Variants in RAI1 observed in about 807,000 individuals in gnomAD.
RAI1 encodes the protein retinoic acid-induced protein 1.
Under a neutral mutation model 123.8 loss-of-function variants are expected in RAI1, and 9 were observed. The observed-to-expected ratio is 0.07, with a 90% CI of 0.04 to 0.13. The LOEUF (loss-of-function observed/expected upper bound fraction) is 0.13. RAI1 is among the 10% of genes least tolerant of loss of function. RAI1 has a pLI of 1.00. For missense variants in RAI1, 2,256 were observed against 2,545.8 expected, an observed-to-expected ratio of 0.89 and a Z score of 2.45; for synonymous variants, 1,231 against 1,127.3, an observed-to-expected ratio of 1.09 and a Z score of -1.84.
intron 2 of RAI1, among the ~76,000 whole-genome samples, chr17:17,737,354 A>T (rs369914437): frequency 6.6e-6 from 1 of 152,046 alleles, no homozygotes; most frequent in African/African-American, 2.4e-5. Flanking sequence ...TCTTGCCCAG[A>T]CTCACTCCTG....
intron 2 of RAI1, among the ~76,000 whole-genome samples, chr17:17,762,082 G>A (rs970759441): frequency 1.3e-5 from 2 of 152,212 alleles, no homozygotes; most frequent in African/African-American, 2.4e-5. Context: ...TTGGGCATGC[G>A]TGTGTCTGCT....
At chr17:17,694,897 C>T (rs1370817985) in intron 1 of RAI1, among the ~76,000 whole-genome samples, 6 of 152,042 alleles carry the variant, frequency 3.9e-5, no homozygotes, top group African/African-American at 1.4e-4. Context: ...GCGGGGGCTT[C>T]CAGTCCCAGC....
At position 17,802,810 on chromosome 17, in the gene RAI1, G is replaced by A. The variant is rs866874954; in HGVS notation, c.5566-946G>A. Among the ~76,000 whole-genome samples, 19 of 152,010 alleles carry A rather than the reference G, an allele frequency of 1.2e-4. No homozygotes were observed. In the Middle Eastern group the frequency reaches 0.01, roughly 82 times the overall value. On this transcript the variant is annotated intron_variant, in intron 3 of 5. Transcript: ENST00000353383. ...AGAAAAAAGAGCCAGTAGGCCAGGC[G>A]CTATGTCTTACACCTGTAATCCCAG...
Position 17,803,820 on chromosome 17 carries a change from C to T in RAI1, c.5630C>T (p.Thr1877Ile). 3.1e-6 allele frequency: 5 copies of T among 1,613,558 alleles called. No individual in the cohort carries two copies. In the East Asian group the frequency reaches 6.7e-5, roughly 22 times the overall value. Residue 1877 changes from threonine to isoleucine, a missense_variant, in exon 4 of 6, where the codon ACC becomes ATC. Physicochemically the swap from Thr to Ile is moderately conservative, Grantham distance 89. This residue lies in a region of RAI1 where 243 missense variants were observed against 316.6 expected (regional missense o/e 0.77). Coordinates refer to ENST00000353383, the MANE Select transcript of RAI1 (RefSeq NM_030665.4). ...IGCCHKGCLH[T>I]YHYPCASDAG... The stretch of plus-strand genomic sequence containing the variant: ...TGCTGCCACAAAGGATGCCTCCACA[C>T]CTACCACTACCCGTGTGCCAGCGAT...
At chr17:17,699,281 T>C (rs896752084) in intron 1 of RAI1, among the ~76,000 whole-genome samples, 1 of 152,184 alleles carries the variant, frequency 6.6e-6, no homozygotes, top group African/African-American at 2.4e-5. Flanking sequence ...GACTTTGGAA[T>C]GCTGGAGGCA....
chr17:17,687,656 C>T (rs1013136545), intron 1 of RAI1, among the ~76,000 whole-genome samples: 2 of 152,204 alleles, frequency 1.3e-5, no homozygotes, highest in African/African-American at 2.4e-5. Context: ...TTAACTGCAG[C>T]ATCCCTCGGG....
At chr17:17,755,622 C>G (rs538586470) in intron 2 of RAI1, among the ~76,000 whole-genome samples, 1 of 152,238 alleles carries the variant, frequency 6.6e-6, no homozygotes, top group South Asian at 2.1e-4. Context: ...CTCCATCAGT[C>G]AGTGTCCTAG....
At chr17:17,693,175 G>T (rs982953730) in intron 1 of RAI1, among the ~76,000 whole-genome samples, 2 of 152,224 alleles carry the variant, frequency 1.3e-5, no homozygotes, top group African/African-American at 4.8e-5. Flanking sequence ...TGACGCCCCC[G>T]TGCAGCCTGT....
chr17:17,693,614 G>A (rs980015016), intron 1 of RAI1, among the ~76,000 whole-genome samples: 7 of 152,240 alleles, frequency 4.6e-5, no homozygotes, highest in African/African-American at 1.7e-4. Flanking sequence ...TGCAATGGCC[G>A]CCCCTCCTTC....
chr17:17,711,533 G>A (rs1346315844), intron 1 of RAI1, among the ~76,000 whole-genome samples: 1 of 152,190 alleles, frequency 6.6e-6, no homozygotes, highest in African/African-American at 2.4e-5. Flanking sequence ...TGGAGCTGGA[G>A]GGAAGTGGGA....
chr17:17,705,177 G>C (rs1413202500), intron 1 of RAI1, among the ~76,000 whole-genome samples: 2 of 152,170 alleles, frequency 1.3e-5, no homozygotes, highest in African/African-American at 4.8e-5. Flanking sequence ...ACTCAAGCCT[G>C]TCCCCCGGCC....
chr17:17,769,611 T>C (rs1050328649), intron 2 of RAI1, among the ~76,000 whole-genome samples: 3 of 152,038 alleles, frequency 2.0e-5, no homozygotes, highest in Non-Finnish European at 4.4e-5. Flanking sequence ...TTCTGGTGGG[T>C]AGTGAAACAG....
In RAI1 at chr17:17,681,461, T is replaced by G; in HGVS notation, c.-481T>G. On this transcript the variant is annotated 5_prime_UTR_variant, in exon 1 of 6. Coordinates refer to ENST00000353383, the MANE Select transcript of RAI1 (RefSeq NM_030665.4). Reference sequence around the variant, plus strand: ...CTCTTCCTGTGCGGAGGGGATCGCATTCCTCGCGGCACCCGCGGACACCAG... The same window carrying G: ...CTCTTCCTGTGCGGAGGGGATCGCAGTCCTCGCGGCACCCGCGGACACCAG... 1 of 166,764 alleles carries G rather than the reference T, an allele frequency of 6.0e-6. No homozygotes were observed. The highest frequency in any genetic ancestry group is 1.3e-5 in the Non-Finnish European group (1 of 79,026). The allele number at this position is 166,764 out of a possible 1,614,324, so 10.3% of individuals were successfully genotyped here. A position where few individuals can be genotyped will look rare whatever the true frequency, so the allele number is the denominator to read the frequency against.
chr17:17,712,196 G>C (rs1485779125), intron 1 of RAI1, among the ~76,000 whole-genome samples: 1 of 152,230 alleles, frequency 6.6e-6, no homozygotes, highest in African/African-American at 2.4e-5. Context: ...GCAACTCTGT[G>C]CTAGGTGCCG....
In RAI1 at chr17:17,724,104, G is replaced by A. The variant is rs892466491; in HGVS notation, c.-72G>A. 1 of 151,110 alleles carries A rather than the reference G, an allele frequency of 6.6e-6. No homozygotes were observed. The highest frequency in any genetic ancestry group is 1.5e-5 in the Non-Finnish European group (1 of 67,712). 9.4% of individuals were successfully genotyped at this position (151,110 alleles called of 1,614,324 possible). On this transcript the variant is annotated 5_prime_UTR_variant, in exon 2 of 6. Coordinates refer to ENST00000353383, the MANE Select transcript of RAI1 (RefSeq NM_030665.4). ...GAGAGGAGAGAGACGGCGGGGGAAA[G>A]GGAGACGGCGAGACGCGCAGCGCCG...
Position 17,722,382 on chromosome 17 carries a change from C to A in RAI1, c.-148-1646C>A, listed in dbSNP as rs911865045. 2.6e-5 allele frequency among the ~76,000 whole-genome samples: 4 copies of A among 152,320 alleles called. No individual in the cohort carries two copies. In the South Asian group the frequency reaches 8.3e-4, roughly 32 times the overall value. Reference sequence around the variant, plus strand: ...GGCGCCCGCCAGCTGCACTCAGAACCCCCCTCACCGTGGCCCTGCCCTGTG... The same window carrying A: ...GGCGCCCGCCAGCTGCACTCAGAACACCCCTCACCGTGGCCCTGCCCTGTG... On this transcript the variant is annotated intron_variant, in intron 1 of 5. Transcript: ENST00000353383.
rs1160659812 is a variant in RAI1, at chr17:17,685,277, C to T, written c.-149+3484C>T. On this transcript the variant is annotated intron_variant, in intron 1 of 5. Coordinates refer to ENST00000353383, the MANE Select transcript of RAI1 (RefSeq NM_030665.4). This position sits in a 1 kb window ranked among gnomAD's most constrained non-coding sequence, Gnocchi z 4.0. ...CAAGGGAACAGGGATTTTCCAAGGA[C>T]CCACTGTTTCCAAAGTTCTGTGCTT... Among the ~76,000 whole-genome samples the T allele has an allele frequency of 6.6e-6, 1 of 152,228 alleles. No individual in the cohort carries two copies. The highest frequency in any genetic ancestry group is 1.5e-5 in the Non-Finnish European group (1 of 68,050).
At chr17:17,788,113 C>T (rs963063409) in intron 2 of RAI1, among the ~76,000 whole-genome samples, 4 of 152,104 alleles carry the variant, frequency 2.6e-5, no homozygotes, top group Admixed American at 2.6e-4. Flanking sequence ...TTGGTCACCC[C>T]GTGGGATTCT....
At chr17:17,758,915 G>C (rs1263887328) in intron 2 of RAI1, among the ~76,000 whole-genome samples, 5 of 152,196 alleles carry the variant, frequency 3.3e-5, no homozygotes, top group Non-Finnish European at 1.5e-5. Flanking sequence ...CTGTTTTGGT[G>C]GGGAGGGGGG....
Sources: allele counts gnomAD v4.1 joint callset (sites outside exome capture counted in the v4.1 genomes callset), GRCh38; gene constraint gnomAD v4.1.1; regional missense constraint gnomAD v4.1.1; non-coding constraint Gnocchi (gnomAD v3.1); transcripts MANE v1.5; gene names NCBI Gene and HGNC (gene_info 2026-07-23, HGNC 2026-07-21).